The following CAPN14 variants were observed in gnomAD, a reference collection of about 807,000 sequenced individuals.
CAPN14 encodes calpain-14.
In CAPN14, 94 loss-of-function variants were observed where a neutral mutation model predicts 101.3. That is an observed-to-expected ratio of 0.93 (90% CI 0.79 to 1.10). The LOEUF is 1.10. CAPN14 is among the 50% of genes least tolerant of loss of function. The probability of loss-of-function intolerance (pLI) is 0.00; values close to 1 mark genes in which losing one functional copy is unlikely to be tolerated. For synonymous variants in CAPN14, 338 were observed against 317.9 expected (o/e 1.06, Z -0.67); for missense variants, 837 against 828.4 (o/e 1.01, Z -0.13).
At chr2:31,202,327 T>A in intron 3 of CAPN14, 75 bp from the exon 4 acceptor site, 4 of 1,106,102 alleles carry the variant, frequency 3.6e-6, no homozygotes, top group Non-Finnish European at 4.0e-6. Context: ...CCGGTCCCAA[T>A]GGCCACCCTC....
At chr2:31,204,151 T>C (rs1681948491) in intron 2 of CAPN14, among the ~76,000 whole-genome samples, 1 of 152,200 alleles carries the variant, frequency 6.6e-6, no homozygotes, top group African/African-American at 2.4e-5. Context: ...TGGCTATAGC[T>C]GTTCTGCATA....
chr2:31,199,523 G>C lies in CAPN14; in HGVS notation c.736C>G (p.Leu246Val). ...GCQTHSGEKI[L>V]ENGLVEGHAY... ...TGGCCTTCCACCAGCCCATTCTCCA[G>C]AATCTTCTCCTGCAGAGACAAGAGA... Residue 246 changes from leucine (L) to valine (V), a missense_variant, in exon 7 of 22, where the codon CTG (leucine) becomes GTG (valine). By Grantham distance (32) the Leu-to-Val change is conservative. Coordinates refer to ENST00000403897, the MANE Select transcript of CAPN14 (RefSeq NM_001145122.2). 1 of 1,551,504 alleles carries C rather than the reference G, an allele frequency of 6.4e-7. No individual in the cohort carries two copies. Among genetic ancestry groups the C allele is most frequent in the Non-Finnish European group, 8.7e-7 (1 of 1,146,870 alleles).
chr2:31,201,094 T>TGTGTGTGTGTGC, intron 5 of CAPN14, among the ~76,000 whole-genome samples: 1 of 150,318 alleles, frequency 6.7e-6, no homozygotes, highest in African/African-American at 2.5e-5. Context: ...CATGTGTGCA[T>TGTGTGTGTGTGC]GTGTGTGTGT....
chr2:31,213,837 C>T (rs11124254), intron 1 of CAPN14, among the ~76,000 whole-genome samples: 86,778 of 152,014 alleles, frequency 0.57, 25,809 homozygotes, highest in East Asian at 0.94. Flanking sequence ...TTACTGATTA[C>T]GAACAGGAAA....
chr2:31,199,364 A>T, intron 7 of CAPN14, 106 bp downstream of exon 7: 2 of 967,550 alleles, frequency 2.1e-6, no homozygotes, highest in Non-Finnish European at 1.6e-6. Flanking sequence ...CAAAGACTTT[A>T]CCCACTCTCC....
chr2:31,193,086 C>T (rs1681279715), intron 10 of CAPN14, 45 bp downstream of exon 10: 1 of 1,514,418 alleles, frequency 6.6e-7, no homozygotes, highest in African/African-American at 1.4e-5. Flanking sequence ...GACACCCCCG[C>T]CCACAACCTC....
At chr2:31,205,051 T>G (rs1572423822) in intron 2 of CAPN14, among the ~76,000 whole-genome samples, 172 bp downstream of exon 2, 1 of 152,158 alleles carries the variant, frequency 6.6e-6, no homozygotes, top group East Asian at 1.9e-4. Flanking sequence ...GAGAATTGCT[T>G]GGCATGTGGG....
intron 13 of CAPN14, among the ~76,000 whole-genome samples, chr2:31,188,664 AAAAC>A (rs948715788): frequency 2.0e-5 from 3 of 152,078 alleles, no homozygotes; most frequent in African/African-American, 7.3e-5. Flanking sequence ...CGAGACATAA[AAAAC>A]AAACAAACAA....
At chr2:31,222,551 A>G (rs1287662326) in intron 2 of CAPN14, among the ~76,000 whole-genome samples, 2 of 152,224 alleles carry the variant, frequency 1.3e-5, no homozygotes, top group African/African-American at 2.4e-5. Flanking sequence ...TGATTAGTGG[A>G]AAAATTCAAT....
At chr2:31,213,505 C>T (rs1048726975) in intron 1 of CAPN14, among the ~76,000 whole-genome samples, 13 of 152,236 alleles carry the variant, frequency 8.5e-5, no homozygotes, top group African/African-American at 2.7e-4. Context: ...GCAAAGTTTG[C>T]TGAGCACTGC....
chr2:31,182,999 T>G (rs1030498313), intron 16 of CAPN14, among the ~76,000 whole-genome samples: 17 of 152,144 alleles, frequency 1.1e-4, no homozygotes, highest in South Asian at 4.1e-4. Context: ...TATAGATCAA[T>G]GGAACAGAAC....
chr2:31,197,083 T>C (rs1405425356), intron 8 of CAPN14, among the ~76,000 whole-genome samples, 166 bp downstream of exon 8: 4 of 152,214 alleles, frequency 2.6e-5, no homozygotes, highest in Non-Finnish European at 5.9e-5. Flanking sequence ...GCAGTCTCTA[T>C]ACCATAAAGC....
chr2:31,199,045 G>A (rs1572414985), intron 7 of CAPN14, among the ~76,000 whole-genome samples: 2 of 152,328 alleles, frequency 1.3e-5, no homozygotes, highest in South Asian at 4.1e-4. Flanking sequence ...TTTGTAGGCA[G>A]GTCCTGCCTG....
chr2:31,217,950 G>C (rs78107939), upstream of CAPN14, among the ~76,000 whole-genome samples: 5,487 of 152,222 alleles, frequency 0.036, 109 homozygotes, highest in Non-Finnish European at 0.044. Context: ...GGTGGCTGTG[G>C]GTTTTCTTTT....
intron 5 of CAPN14, 132 bp from the exon 6 acceptor site, chr2:31,200,757 ACATAGTTTCCAATAC>A (rs1487971478): frequency 1.2e-6 from 1 of 853,462 alleles, no homozygotes; most frequent in East Asian, 2.7e-5. Context: ...GGCAACCCTG[ACATAGTTTCCAATAC>A]CATACCCATC....
Position 31,192,067 on chromosome 2 carries a change from C to T in CAPN14, c.1146G>A (p.Leu382=), listed in dbSNP as rs1681218781. The T allele has an allele frequency of 1.9e-6, 3 of 1,550,644 alleles. No homozygotes were observed. Among genetic ancestry groups the T allele is most frequent in the Non-Finnish European group, 2.6e-6 (3 of 1,146,508 alleles). Residue 382 remains leucine, a synonymous_variant, in exon 11 of 22, where the codon CTG becomes CTA. Coordinates refer to ENST00000403897, the MANE Select transcript of CAPN14 (RefSeq NM_001145122.2). The part of the protein sequence containing the change: ...DTFWKNPQFL[L]SVWRPEEGRR... ...TGCCCTCCTCGGGCCTCCAGACAGA[C>T]AGCAGGAACTGCGGGTTCTTCCAAA...
intron 16 of CAPN14, among the ~76,000 whole-genome samples, chr2:31,181,768 T>C (rs146666407): frequency 0.32 from 45,400 of 141,902 alleles, 8,580 homozygotes; most frequent in African/African-American, 0.53. Flanking sequence ...TGAGAACATG[T>C]GGTGTTTGGT....
chr2:31,201,753 G>A, intron 5 of CAPN14, 109 bp downstream of exon 5: 1 of 1,365,696 alleles, frequency 7.3e-7, no homozygotes, highest in Non-Finnish European at 1.0e-6. Flanking sequence ...GCTAAGACAT[G>A]CCTCAGGATC....
chr2:31,183,272 A>G (rs968405384), intron 16 of CAPN14, among the ~76,000 whole-genome samples: 3 of 152,232 alleles, frequency 2.0e-5, no homozygotes, highest in Non-Finnish European at 4.4e-5. Flanking sequence ...GGACATAGGC[A>G]TGGGCAAGGA....
Sources: allele counts gnomAD v4.1 joint callset (sites outside exome capture counted in the v4.1 genomes callset), GRCh38; gene constraint gnomAD v4.1.1; transcripts MANE v1.5; gene names NCBI Gene and HGNC (gene_info 2026-07-23, HGNC 2026-07-21).